Variants in SLC16A5 observed in about 807,000 individuals in gnomAD.
SLC16A5 encodes the protein monocarboxylate transporter 6.
Under a neutral mutation model 33.2 loss-of-function variants are expected in SLC16A5, and 29 were observed. The observed-to-expected ratio is 0.87, with a 90% CI of 0.65 to 1.19. The LOEUF (loss-of-function observed/expected upper bound fraction) is 1.19, where lower values mean the gene tolerates loss of function less well. SLC16A5 is among the 50% of genes most tolerant of loss of function. The pLI, the probability that SLC16A5 is intolerant of heterozygous loss-of-function variation, is 0.00. For synonymous variants in SLC16A5, 248 were observed against 284.1 expected (o/e 0.87, Z 1.28); for missense variants, 606 against 678.2 (o/e 0.89, Z 1.18).
chr17:75,106,029 C>G lies in SLC16A5; in HGVS notation c.1514C>G (p.Thr505Ser). The G allele has an allele frequency of 6.7e-7, 1 of 1,490,402 alleles. No homozygotes were observed. Among genetic ancestry groups the G allele is most frequent in the South Asian group, 1.2e-5 (1 of 82,896 alleles). The allele number at this position is 1,490,402 out of a possible 1,614,324, so 92.3% of individuals were successfully genotyped here. A position where few individuals can be genotyped will look rare whatever the true frequency, so the allele number is the denominator to read the frequency against. Residue 505 changes from threonine to serine, a missense_variant, in exon 7 of 7, where the codon ACC becomes AGC. Physicochemically the swap from Thr to Ser is moderately conservative, Grantham distance 58 (BLOSUM62 1). Transcript: ENST00000329783. ...KQTALGWNSP[T>S] ...ACGGCTCTGGGCTGGAATAGCCCTA[C>G]CTGAGTGCCCTGTTTGACTCCGCCA... is the stretch of plus-strand genomic sequence containing the variant.
downstream of SLC16A5, among the ~76,000 whole-genome samples, chr17:75,109,627 C>T (rs1472593073): frequency 6.6e-6 from 1 of 152,196 alleles, no homozygotes; most frequent in African/African-American, 2.4e-5. The surrounding 1 kb of genome is among the most constrained non-coding windows in gnomAD (Gnocchi z 5.0). Flanking sequence ...CGGAGGACCC[C>T]GGGGGACCGG....
intron 2 of SLC16A5, among the ~76,000 whole-genome samples, chr17:75,089,557 C>T (rs1383601802): frequency 6.6e-6 from 1 of 151,854 alleles, no homozygotes; most frequent in Non-Finnish European, 1.5e-5. Context: ...GAGTTCAAGA[C>T]CACCTGGCCG....
intron 5 of SLC16A5, 80 bp downstream of exon 5, chr17:75,100,896 T>C: frequency 7.6e-7 from 1 of 1,316,918 alleles, no homozygotes; most frequent in African/African-American, 1.5e-5. Context: ...CAGTCCAGCA[T>C]CTCCAGAGGT....
chr17:75,092,546 C>T (rs554949532), intron 2 of SLC16A5, among the ~76,000 whole-genome samples: 16 of 151,934 alleles, frequency 1.1e-4, no homozygotes, highest in Non-Finnish European at 2.1e-4. Flanking sequence ...AGGATGGTCT[C>T]GATCTTCTGA....
intron 3 of SLC16A5, among the ~76,000 whole-genome samples, chr17:75,097,189 C>G (rs1188820687): frequency 6.6e-6 from 1 of 152,082 alleles, no homozygotes; most frequent in Non-Finnish European, 1.5e-5. Context: ...CGCAGACACA[C>G]ACAAGCATCT....
rs551996477 is a variant in SLC16A5 at position 75,097,771 on chromosome 17, C to T, written c.200-267C>T. Among the ~76,000 whole-genome samples the T allele has an allele frequency of 4.1e-4, 63 of 152,278 alleles. 1 individual carries two copies. The highest frequency in any genetic ancestry group is 1.5e-3 in the African/African-American group (63 of 41,560). ...GGTCTGTGTAGTTCAGGGTCTTGCT[C>T]CACCTTTCAGGGAATCCTCATCAGG... On this transcript the variant is annotated intron_variant, in intron 3 of 6. Coordinates refer to ENST00000329783, the MANE Select transcript of SLC16A5 (RefSeq NM_004695.4).
chr17:75,097,286 C>T (rs1047958590), intron 3 of SLC16A5, among the ~76,000 whole-genome samples: 3 of 152,132 alleles, frequency 2.0e-5, no homozygotes, highest in African/African-American at 4.8e-5. Context: ...GAATGGGGCC[C>T]CTGTGAGGTG....
chr17:75,096,830 C>T (rs1040032440), intron 3 of SLC16A5, among the ~76,000 whole-genome samples: 3 of 146,730 alleles, frequency 2.0e-5, no homozygotes, highest in Admixed American at 1.4e-4. Flanking sequence ...CCACGCATGG[C>T]CACTCCATCA....
chr17:75,088,757 G>A (rs2073600808), intron 1 of SLC16A5, among the ~76,000 whole-genome samples: 1 of 152,140 alleles, frequency 6.6e-6, no homozygotes, highest in Non-Finnish European at 1.5e-5. Context: ...CCTCGACTCT[G>A]GACACCAGGC....
In SLC16A5 at chr17:75,098,085, GT is replaced by G; in HGVS notation, c.248del (p.Val83GlyfsTer107). 6.2e-7 allele frequency: 1 copy of G among 1,609,592 alleles called. No individual in the cohort carries two copies. Among genetic ancestry groups the G allele is most frequent in the Non-Finnish European group, 8.5e-7 (1 of 1,178,270 alleles). ...LVGRFGCRVT[V>X]MLGGVLASLG... Reference sequence around the variant, plus strand: ...GGGACGCTTCGGCTGCCGAGTGACCGTGATGCTGGGGGGCGTGCTGGCCAGC... The same window carrying G: ...GGGACGCTTCGGCTGCCGAGTGACCGGATGCTGGGGGGCGTGCTGGCCAGC... On this transcript the variant is annotated frameshift_variant, in exon 4 of 7. Transcript: ENST00000329783. LOFTEE classifies it high-confidence loss of function.
intron 2 of SLC16A5, among the ~76,000 whole-genome samples, chr17:75,093,050 C>T (rs772965725): frequency 1.3e-5 from 2 of 152,030 alleles, no homozygotes; most frequent in African/African-American, 2.4e-5. Context: ...TGTGGCTGCT[C>T]CTAGCACCGG....
At chr17:75,108,988 T>C (rs761471236), downstream of SLC16A5, among the ~76,000 whole-genome samples, 4 of 152,170 alleles carry the variant, frequency 2.6e-5, no homozygotes, top group African/African-American at 4.8e-5. Context: ...AGTGACTCCA[T>C]TTAGATTAAC....
rs2073780306 is a variant in SLC16A5 at position 75,100,517 on chromosome 17, T to C, written c.854T>C (p.Ile285Thr). ...LLISIIGFSNIFLRPLAGLMA... is the reference protein window; with the variant it reads ...LLISIIGFSNTFLRPLAGLMA... ...ATCTCCATCATCGGCTTCAGCAACA[T>C]CTTCCTGAGGCCCCTAGCCGGGCTG... Residue 285 changes from isoleucine to threonine, a missense_variant, in exon 5 of 7, where the codon ATC (isoleucine) becomes ACC (threonine). Physicochemically the swap from Ile to Thr is moderately conservative, Grantham distance 89 (BLOSUM62 -1). Transcript: ENST00000329783. The C allele has an allele frequency of 1.2e-6, 2 of 1,614,056 alleles. No homozygotes were observed. The highest frequency in any genetic ancestry group is 1.7e-6 in the Non-Finnish European group (2 of 1,180,038).
chr17:75,087,539 G>A (rs2073584110), upstream of SLC16A5, among the ~76,000 whole-genome samples: 1 of 152,216 alleles, frequency 6.6e-6, no homozygotes, highest in African/African-American at 2.4e-5. Context: ...ACTCCCACCG[G>A]CAGGCGCAGC....
Position 75,100,673 on chromosome 17 carries a change from C to T in SLC16A5, c.1010C>T (p.Ala337Val), listed in dbSNP as rs753744110. 21 of 1,614,194 alleles carry T rather than the reference C, an allele frequency of 1.3e-5. No homozygotes were observed. The highest frequency in any genetic ancestry group is 8.9e-5 in the East Asian group (4 of 44,882). Reference protein sequence around the residue: ...DFWVLVGYCLAYSVSMSGIGA... With the variant: ...DFWVLVGYCLVYSVSMSGIGA... ...TGGGTGCTCGTGGGCTACTGCCTGG[C>T]GTACAGCGTGTCCATGAGTGGCATC... is the stretch of plus-strand genomic sequence containing the variant. The change falls in exon 5 of 7, where the codon GCG becomes GTG. Residue 337 changes from alanine to valine, a missense_variant. Transcript: ENST00000329783.
chr17:75,093,988 G>T lies in SLC16A5; in HGVS notation c.199+153G>T, dbSNP rs868728107. On this transcript the variant is annotated intron_variant, in intron 3 of 6. Transcript: ENST00000329783. ...TCACCAGATTTCACCAGGGGCCCCT[G>T]GCTGGAATCCAGCTGGACTGGGCTG... 1.7e-4 allele frequency among the ~76,000 whole-genome samples: 26 copies of T among 152,372 alleles called. No individual in the cohort carries two copies. The South Asian group carries it at 2.5e-3, about 15-fold the overall frequency.
intron 4 of SLC16A5, 121 bp downstream of exon 4, chr17:75,098,302 C>T: frequency 3.0e-6 from 4 of 1,317,576 alleles, no homozygotes; most frequent in Admixed American, 2.1e-5. Flanking sequence ...GTGGCTCACA[C>T]CTGTTATCCC....
intron 1 of SLC16A5, among the ~76,000 whole-genome samples, chr17:75,088,467 G>A (rs1191262545): frequency 6.6e-6 from 1 of 152,166 alleles, no homozygotes; most frequent in East Asian, 1.9e-4. Flanking sequence ...GGGATAAGGG[G>A]AAGGGAGAGA....
chr17:75,106,286 C>T (rs2073862051), downstream of SLC16A5: 1 of 310,390 alleles, frequency 3.2e-6, no homozygotes, highest in Admixed American at 4.7e-5. Flanking sequence ...CCATCAATAC[C>T]ACATGCTCTG....
Sources: gnomAD v4.1 joint callset for allele counts (sites outside exome capture counted in the v4.1 genomes callset) on GRCh38, gnomAD v4.1.1 for gene constraint, Gnocchi (gnomAD v3.1) non-coding constraint, MANE v1.5 for transcripts, NCBI Gene and HGNC (gene_info 2026-07-23, HGNC 2026-07-21) for gene names.